Variants in TCF7L1 observed in about 807,000 individuals in gnomAD.
TCF7L1 encodes transcription factor 7-like 1.
Under a neutral mutation model 63.7 loss-of-function variants are expected in TCF7L1, and 18 were observed. That is an observed-to-expected ratio of 0.28 (90% CI 0.20 to 0.42). The LOEUF is 0.42. Among genes scored for constraint, TCF7L1 ranks in the 10% least tolerant of loss-of-function variants. The pLI is 1.00. For missense variants in TCF7L1, 654 were observed against 779.3 expected (o/e 0.84, Z 1.91); for synonymous variants, 355 against 340.9 (o/e 1.04, Z -0.46).
intron 3 of TCF7L1, among the ~76,000 whole-genome samples, chr2:85,265,511 TC>T (rs1415660962): frequency 6.6e-6 from 1 of 152,050 alleles, no homozygotes; most frequent in Non-Finnish European, 1.5e-5. Context: ...GAGGAGAGTG[TC>T]CAGGGCGGGG....
chr2:85,187,301 AG>A (rs1678949059), intron 3 of TCF7L1: 1 of 152,212 alleles, frequency 6.6e-6, no homozygotes, highest in African/African-American at 2.4e-5. Context: ...TTTAAGCCAA[AG>A]GTATGACTGT....
intron 3 of TCF7L1, among the ~76,000 whole-genome samples, chr2:85,208,726 G>A (rs1392640417): frequency 2.0e-5 from 3 of 152,116 alleles, no homozygotes; most frequent in African/African-American, 7.2e-5. Context: ...CTCTTTTTGT[G>A]GAAGGGACAA....
intron 3 of TCF7L1, among the ~76,000 whole-genome samples, chr2:85,137,631 G>A (rs1344087040): frequency 6.6e-6 from 1 of 152,202 alleles, no homozygotes; most frequent in East Asian, 1.9e-4. Context: ...GGTGGCTTAG[G>A]CCTGTAATCC....
At chr2:85,187,281 T>C (rs1237983271) in intron 3 of TCF7L1, 1 of 152,222 alleles carries the variant, frequency 6.6e-6, no homozygotes, top group African/African-American at 2.4e-5. Context: ...AAGAATTTTC[T>C]GGATGAGCCT....
At chr2:85,259,231 T>TGTTG (rs1680798854) in intron 3 of TCF7L1, among the ~76,000 whole-genome samples, 1 of 152,108 alleles carries the variant, frequency 6.6e-6, no homozygotes, top group Admixed American at 6.5e-5. Context: ...GGCCTGTGTT[T>TGTTG]GTTTTCTAAA....
chr2:85,279,828 C>A (rs1014514616), intron 3 of TCF7L1, among the ~76,000 whole-genome samples: 2 of 152,184 alleles, frequency 1.3e-5, no homozygotes, highest in African/African-American at 4.8e-5. Context: ...TCACTGTTCC[C>A]AGGACCACCT....
At position 85,153,340 on chromosome 2, in the gene TCF7L1, A is replaced by ATATTTTTTTTTT. The variant is rs750002994; in HGVS notation, c.441+18891_441+18892insATTTTTTTTTTT. On this transcript the variant is annotated intron_variant, in intron 3 of 11. Transcript: ENST00000282111. ...TTCATGATCTTGCTAGCCTTTATAA[A>ATATTTTTTTTTT]TTTTTTTTTTTTTTTTTTTGAGATG... 1.6e-4 allele frequency among the ~76,000 whole-genome samples: 16 copies of ATATTTTTTTTTT among 102,308 alleles called. 1 individual carries two copies. Among genetic ancestry groups the ATATTTTTTTTTT allele is most frequent in the African/African-American group, 6.7e-4 (16 of 23,728 alleles). 67.1% of individuals were successfully genotyped at this position (102,308 alleles called of 152,430 possible). A position where few individuals can be genotyped will look rare whatever the true frequency, so the allele number is the denominator to read the frequency against.
At chr2:85,259,330 G>A (rs958596188) in intron 3 of TCF7L1, among the ~76,000 whole-genome samples, 4 of 152,196 alleles carry the variant, frequency 2.6e-5, no homozygotes, top group Admixed American at 6.5e-5. Context: ...TAAAAAGCCC[G>A]ATAAACCCAA....
At chr2:85,209,050 C>G (rs769559234) in intron 3 of TCF7L1, among the ~76,000 whole-genome samples, 1 of 152,190 alleles carries the variant, frequency 6.6e-6, no homozygotes, top group Admixed American at 6.5e-5. Context: ...ACAGGGTGGT[C>G]TGGTTGTAAG....
intron 3 of TCF7L1, among the ~76,000 whole-genome samples, chr2:85,146,497 C>CTTTTTTTTTTTTTTT (rs554058692): frequency 9.7e-6 from 1 of 103,604 alleles, no homozygotes; most frequent in East Asian, 3.1e-4. Context: ...TTCTTTCTTT[C>CTTTTTTTTTTTTTTT]TTTTTTTTTT....
chr2:85,144,357 G>C (rs568515566), intron 3 of TCF7L1, among the ~76,000 whole-genome samples: 1 of 144,048 alleles, frequency 6.9e-6, no homozygotes, highest in African/African-American at 2.6e-5. Flanking sequence ...GAGGCAGACA[G>C]ATAGCCTGAG....
At chr2:85,256,293 G>A (rs572452556) in intron 3 of TCF7L1, among the ~76,000 whole-genome samples, 89 of 151,692 alleles carry the variant, frequency 5.9e-4, no homozygotes, top group Admixed American at 1.4e-3. Flanking sequence ...GCTTAGAAGC[G>A]TCCGAGTCAG....
intron 3 of TCF7L1, among the ~76,000 whole-genome samples, chr2:85,279,361 C>T (rs918012566): frequency 7.9e-5 from 12 of 151,460 alleles, no homozygotes; most frequent in African/African-American, 1.7e-4. Context: ...GCGTTGAAGA[C>T]GAGCCTGGGC....
At chr2:85,152,684 C>T (rs945950755) in intron 3 of TCF7L1, among the ~76,000 whole-genome samples, 2 of 131,536 alleles carry the variant, frequency 1.5e-5, no homozygotes, top group Non-Finnish European at 3.2e-5. Context: ...ATCTGCCCAT[C>T]TCGGCCTCCC....
chr2:85,242,172 T>G (rs192789707), intron 3 of TCF7L1, among the ~76,000 whole-genome samples: 2 of 152,324 alleles, frequency 1.3e-5, no homozygotes, highest in Non-Finnish European at 2.9e-5. Context: ...CCCCAGGGGC[T>G]CTGACATTTG....
intron 3 of TCF7L1, among the ~76,000 whole-genome samples, chr2:85,222,285 GAGCCGAGATTGGCCATTGCACTCC>G (rs1355942450): frequency 6.6e-6 from 1 of 151,208 alleles, no homozygotes; most frequent in African/African-American, 2.4e-5. Context: ...AGGTTGCAGT[GAGCCGAGATTGGCCATTGCACTCC>G]AGCCTGGGCA....
chr2:85,265,353 C>T (rs1012452538), intron 3 of TCF7L1, among the ~76,000 whole-genome samples: 3 of 151,900 alleles, frequency 2.0e-5, no homozygotes, highest in East Asian at 3.9e-4. Flanking sequence ...TAATGGGGAA[C>T]GCAGACAGGA....
Position 85,261,420 on chromosome 2 carries a change from C to T in TCF7L1, c.442-22075C>T, listed in dbSNP as rs141506694. Among the ~76,000 whole-genome samples the T allele has an allele frequency of 8.9e-3, 1,359 of 152,252 alleles. 16 individuals carry two copies. Among genetic ancestry groups the T allele is most frequent in the African/African-American group, 0.031 (1,298 of 41,528 alleles). ...GTTTGTGATTTGAAGCATGTGTGTG[C>T]TCACGAAGGATACCTCCCTGGACAA... On this transcript the variant is annotated intron_variant, in intron 3 of 11. Coordinates refer to ENST00000282111, the MANE Select transcript of TCF7L1 (RefSeq NM_031283.3).
chr2:85,192,053 T>C (rs976221557), intron 3 of TCF7L1, among the ~76,000 whole-genome samples: 46 of 152,204 alleles, frequency 3.0e-4, no homozygotes, highest in African/African-American at 1.1e-3. Context: ...AAGGGGACTC[T>C]GTGCTGCATA....
Sources: gnomAD v4.1 joint callset for allele counts (sites outside exome capture counted in the v4.1 genomes callset) on GRCh38, gnomAD v4.1.1 for gene constraint, MANE v1.5 for transcripts, NCBI Gene and HGNC (gene_info 2026-07-23, HGNC 2026-07-21) for gene names.